The following ZFTRAF1 variants were observed in gnomAD, a reference collection of about 807,000 sequenced individuals.
ZFTRAF1 encodes the protein zinc finger TRAF-type and ring finger containing 1.
At chr8:144,452,225 C>T in the ZFTRAF1 span, 31 of 1,018,096 alleles carry the variant, frequency 3.0e-5, no homozygotes, top group East Asian at 4.7e-4. Flanking sequence ...ACCTGTCCAC[C>T]GGGAGCTTGT....
At chr8:144,454,114 T>G in the ZFTRAF1 span, 1 of 152,302 alleles carries the variant, frequency 6.6e-6, no homozygotes, top group Admixed American at 6.5e-5. Flanking sequence ...AAATGGGGGC[T>G]CTGAGTGGGT....
the ZFTRAF1 span, among the ~76,000 whole-genome samples, chr8:144,461,248 G>A: frequency 1.3e-5 from 2 of 152,210 alleles, no homozygotes; most frequent in South Asian, 2.1e-4. Context: ...AACACAAGCA[G>A]GGAAACAAGG....
At chr8:144,451,963 T>C in the ZFTRAF1 span, 3 of 305,742 alleles carry the variant, frequency 9.8e-6, no homozygotes, top group South Asian at 6.2e-5. Context: ...GGTGCTCTTC[T>C]TGCCCCAGGG....
the ZFTRAF1 span, chr8:144,462,515 G>GCCA: frequency 6.2e-6 from 1 of 162,172 alleles, no homozygotes; most frequent in Non-Finnish European, 1.3e-5. Context: ...AGGCCCCGCC[G>GCCA]CCTCGCCCAG....
the ZFTRAF1 span, chr8:144,452,028 T>A: frequency 3.1e-5 from 12 of 390,586 alleles, no homozygotes; most frequent in Admixed American, 3.3e-4. Flanking sequence ...CACTTTCTGG[T>A]TAGACCCTGA....
chr8:144,450,165 C>T, the ZFTRAF1 span: 2 of 549,280 alleles, frequency 3.6e-6, no homozygotes. Context: ...CCTCTGGCGG[C>T]CCTCGGAAGG....
chr8:144,462,145 G>A, the ZFTRAF1 span: 6 of 355,830 alleles, frequency 1.7e-5, no homozygotes, highest in African/African-American at 1.3e-4. Context: ...GGGCGAGGAA[G>A]TGGCTGTAAG....
At chr8:144,454,936 G>C in the ZFTRAF1 span, 1 of 152,300 alleles carries the variant, frequency 6.6e-6, no homozygotes, top group South Asian at 2.1e-4. Context: ...AGAACCGACA[G>C]TGAGGACAAA....
the ZFTRAF1 span, chr8:144,454,118 A>T: frequency 6.6e-6 from 1 of 152,372 alleles, no homozygotes; most frequent in African/African-American, 2.4e-5. Flanking sequence ...GGGGGCTCTG[A>T]GTGGGTGCCG....
At chr8:144,456,624 C>T in the ZFTRAF1 span, 1 of 152,242 alleles carries the variant, frequency 6.6e-6, no homozygotes, top group African/African-American at 2.4e-5. Flanking sequence ...AAGAATGACG[C>T]CATGGGGGAT....
chr8:144,462,604 C>A, the ZFTRAF1 span: 1 of 142,234 alleles, frequency 7.0e-6, no homozygotes, highest in South Asian at 1.9e-4. Context: ...GCACGGAGCC[C>A]GCGGGCCCCG....
chr8:144,455,394 G>C, the ZFTRAF1 span: 5 of 152,228 alleles, frequency 3.3e-5, no homozygotes, highest in African/African-American at 1.2e-4. Flanking sequence ...ACTGGGTTGG[G>C]GACAAGCTGA....
chr8:144,450,132 G>T, the ZFTRAF1 span: 2 of 496,006 alleles, frequency 4.0e-6, no homozygotes, highest in Non-Finnish European at 7.4e-6. Flanking sequence ...CTGGTGCACC[G>T]TCTCCTCTTC....
the ZFTRAF1 span, chr8:144,452,087 T>G: frequency 2.0e-6 from 1 of 506,010 alleles, no homozygotes; most frequent in Non-Finnish European, 3.7e-6. Context: ...CTTGCAGGGA[T>G]GGTGAAGCCA....
chr8:144,450,142 C>T, the ZFTRAF1 span: 26 of 517,140 alleles, frequency 5.0e-5, no homozygotes, highest in East Asian at 3.3e-4. Context: ...GTCTCCTCTT[C>T]GGGTCAGCCC....
the ZFTRAF1 span, chr8:144,453,186 C>T: frequency 6.5e-7 from 1 of 1,534,688 alleles, no homozygotes; most frequent in South Asian, 1.2e-5. Context: ...AGTCCTGGGC[C>T]CCGCCTGTAA....
At chr8:144,450,199 T>A in the ZFTRAF1 span, 1 of 574,296 alleles carries the variant, frequency 1.7e-6, no homozygotes, top group South Asian at 2.1e-5. Flanking sequence ...GTCGGGGGGG[T>A]GAGCCGGAGG....
At chr8:144,451,918 C>T in the ZFTRAF1 span, 1 of 265,316 alleles carries the variant, frequency 3.8e-6, no homozygotes. Flanking sequence ...ATGGCCGGGG[C>T]AGTGACTGCC....
At chr8:144,456,415 T>A in the ZFTRAF1 span, 1,704 of 152,502 alleles carry the variant, frequency 0.011, 12 homozygotes, top group Non-Finnish European at 0.017. Context: ...CACTTGATTC[T>A]GACTTGTGCC....
Sources: allele counts gnomAD v4.1 joint callset (sites outside exome capture counted in the v4.1 genomes callset), GRCh38; gene constraint gnomAD v4.1.1; transcripts MANE v1.5; gene names NCBI Gene and HGNC (gene_info 2026-07-23, HGNC 2026-07-21).